Variants in IMMP2L observed in about 807,000 individuals in gnomAD.
IMMP2L encodes the protein inner mitochondrial membrane peptidase subunit 2.
In IMMP2L, 18 loss-of-function variants were observed where a neutral mutation model predicts 19.3. That is an observed-to-expected ratio of 0.93 (90% CI 0.64 to 1.38). The LOEUF is 1.38. Ranked by LOEUF, IMMP2L falls within the 40% of genes most tolerant of loss-of-function variation. The probability of loss-of-function intolerance (pLI) is 0.00; values close to 1 mark genes in which losing one functional copy is unlikely to be tolerated. For synonymous variants in IMMP2L, 76 were observed against 73.0 expected (o/e 1.04, Z -0.21); for missense variants, 233 against 218.2 (o/e 1.07, Z -0.43).
intron 4 of IMMP2L, among the ~76,000 whole-genome samples, chr7:110,901,964 T>C (rs1418847373): frequency 1.3e-5 from 2 of 152,096 alleles, no homozygotes; most frequent in African/African-American, 4.8e-5. Flanking sequence ...TAGACTGATT[T>C]GCATCAAAGC....
At chr7:111,253,649 G>A (rs773898209) in intron 3 of IMMP2L, among the ~76,000 whole-genome samples, 59 of 152,290 alleles carry the variant, frequency 3.9e-4, no homozygotes, top group South Asian at 6.2e-4. Flanking sequence ...TATAAGGTGT[G>A]TGTTGCAGAA....
intron 3 of IMMP2L, among the ~76,000 whole-genome samples, chr7:111,228,876 A>C (rs1019611802): frequency 3.9e-5 from 6 of 152,088 alleles, no homozygotes; most frequent in African/African-American, 1.4e-4. Context: ...ATGTAAAAAC[A>C]AAGGTAAAAT....
At chr7:111,283,313 C>T (rs150574337) in intron 3 of IMMP2L, among the ~76,000 whole-genome samples, 2 of 152,140 alleles carry the variant, frequency 1.3e-5, no homozygotes, top group South Asian at 2.1e-4. Context: ...GCTAAATGTG[C>T]ATATAGAGTT....
At chr7:111,274,909 C>T (rs1255109405) in intron 3 of IMMP2L, among the ~76,000 whole-genome samples, 1 of 152,222 alleles carries the variant, frequency 6.6e-6, no homozygotes, top group South Asian at 2.1e-4. Context: ...CATTCCCCAT[C>T]AGTACGTAAA....
intron 3 of IMMP2L, among the ~76,000 whole-genome samples, chr7:111,475,026 A>G (rs1379601049): frequency 6.6e-6 from 1 of 152,166 alleles, no homozygotes; most frequent in Non-Finnish European, 1.5e-5. Context: ...AAAAGTACAG[A>G]AAGCCATATT....
At chr7:110,892,992 T>C (rs1810962363) in intron 4 of IMMP2L, among the ~76,000 whole-genome samples, 1 of 152,164 alleles carries the variant, frequency 6.6e-6, no homozygotes, top group South Asian at 2.1e-4. Flanking sequence ...TTGCCTTTTC[T>C]AGAATTTTAC....
At chr7:111,316,213 T>G (rs1205296083) in intron 3 of IMMP2L, among the ~76,000 whole-genome samples, 4 of 151,828 alleles carry the variant, frequency 2.6e-5, no homozygotes, top group Non-Finnish European at 5.9e-5. Flanking sequence ...TATCTGAGAG[T>G]AGACAGGAAT....
chr7:111,011,824 G>C (rs902418319), intron 3 of IMMP2L, among the ~76,000 whole-genome samples: 3 of 152,152 alleles, frequency 2.0e-5, no homozygotes, highest in Non-Finnish European at 4.4e-5. Context: ...AATGTGCCTT[G>C]GGTGGGGAAG....
At chr7:110,912,097 CAAAT>C (rs1813119718) in intron 4 of IMMP2L, among the ~76,000 whole-genome samples, 4 of 151,754 alleles carry the variant, frequency 2.6e-5, no homozygotes, top group Admixed American at 2.0e-4. Context: ...AAAGGAGAAA[CAAAT>C]AAACAAACAA....
At chr7:110,738,303 C>G (rs2130854585) in intron 5 of IMMP2L, among the ~76,000 whole-genome samples, 1 of 152,162 alleles carries the variant, frequency 6.6e-6, no homozygotes, top group Middle Eastern at 3.4e-3. Flanking sequence ...TTAAAGAAAT[C>G]AAACACATTA....
At chr7:110,721,922 T>C (rs540998086) in intron 5 of IMMP2L, among the ~76,000 whole-genome samples, 20 of 152,080 alleles carry the variant, frequency 1.3e-4, no homozygotes, top group Non-Finnish European at 2.5e-4. Context: ...TTGTAAACAA[T>C]CATAAGATAA....
intron 4 of IMMP2L, among the ~76,000 whole-genome samples, chr7:110,918,627 T>C (rs1265375240): frequency 2.6e-5 from 4 of 151,738 alleles, no homozygotes; most frequent in Non-Finnish European, 5.9e-5. Flanking sequence ...GGCTAATTTT[T>C]GTATTTTTAG....
chr7:111,030,884 GTATATATATATATATATATATATA>G (rs57774530), intron 3 of IMMP2L, among the ~76,000 whole-genome samples: 4 of 127,124 alleles, frequency 3.1e-5, no homozygotes, highest in East Asian at 5.8e-4. Flanking sequence ...GTGTGTGTGT[GTATATATATATATATATATATATA>G]TATATATATA....
At chr7:110,679,434 G>A (rs899730570) in intron 5 of IMMP2L, among the ~76,000 whole-genome samples, 37 of 152,158 alleles carry the variant, frequency 2.4e-4, no homozygotes, top group East Asian at 2.1e-3. Flanking sequence ...AGTAGCTGAC[G>A]TCCCACATGT....
chr7:110,872,487 A>G (rs1216008614), intron 5 of IMMP2L, among the ~76,000 whole-genome samples: 1 of 152,118 alleles, frequency 6.6e-6, no homozygotes, highest in Non-Finnish European at 1.5e-5. Context: ...ACCCTGTATT[A>G]TCTGGGAACA....
chr7:111,289,688 ATTTTG>A lies in IMMP2L; in HGVS notation c.239+197545_239+197549del, dbSNP rs773395779. On this transcript the variant is annotated intron_variant, in intron 3 of 5. Coordinates refer to ENST00000405709, the MANE Select transcript of IMMP2L (RefSeq NM_032549.4). ...AAATAAACTTTATACCTACTGTTCT[ATTTTG>A]TTTTGTTTTGTTTTGTTTTTTAAGA... Among the ~76,000 whole-genome samples, 402 of 152,070 alleles carry A rather than the reference ATTTTG, an allele frequency of 2.6e-3. 3 individuals carry two copies. The highest frequency in any genetic ancestry group is 9.4e-3 in the African/African-American group (392 of 41,486).
chr7:111,225,340 T>C (rs1442789866), intron 3 of IMMP2L, among the ~76,000 whole-genome samples: 1 of 152,120 alleles, frequency 6.6e-6, no homozygotes, highest in Non-Finnish European at 1.5e-5. Flanking sequence ...ACTTTTCTGA[T>C]GCAGCAGTAG....
intron 3 of IMMP2L, among the ~76,000 whole-genome samples, chr7:111,289,994 C>G (rs1240868460): frequency 6.6e-6 from 1 of 152,018 alleles, no homozygotes; most frequent in East Asian, 1.9e-4. Context: ...AAAGCAAAGC[C>G]TTGAATTGAG....
chr7:111,026,805 G>T (rs1353123885), intron 3 of IMMP2L, among the ~76,000 whole-genome samples: 1 of 152,120 alleles, frequency 6.6e-6, no homozygotes, highest in African/African-American at 2.4e-5. Flanking sequence ...AGTTTCTTTT[G>T]CAGGGGAAGA....
Sources: allele counts gnomAD v4.1 joint callset (sites outside exome capture counted in the v4.1 genomes callset), GRCh38; gene constraint gnomAD v4.1.1; transcripts MANE v1.5; gene names NCBI Gene and HGNC (gene_info 2026-07-23, HGNC 2026-07-21).